CMKLR1: variants seen among roughly 807,000 people sequenced by gnomAD.
The protein encoded by CMKLR1 is chemerin-like receptor 1.
CMKLR1 carries 6 observed loss-of-function variants against 8.2 expected under a neutral mutation model. That is an observed-to-expected ratio of 0.73 (90% CI 0.40 to 1.44). The LOEUF (loss-of-function observed/expected upper bound fraction) is 1.44, where lower values mean the gene tolerates loss of function less well. Among genes scored for constraint, CMKLR1 ranks in the 40% most tolerant of loss-of-function variants. CMKLR1 has a pLI of 0.02. For missense variants in CMKLR1, 429 were observed against 478.0 expected (o/e 0.90, Z 0.96); for synonymous variants, 178 against 181.2 (o/e 0.98, Z 0.14).
intron 2 of CMKLR1, among the ~76,000 whole-genome samples, chr12:108,322,976 T>C (rs1891896786): frequency 6.6e-6 from 1 of 152,156 alleles, no homozygotes; most frequent in East Asian, 1.9e-4. Flanking sequence ...AGCAGATACC[T>C]TTCCCTCCAT....
At chr12:108,307,787 C>A (rs1439317308) in intron 2 of CMKLR1, among the ~76,000 whole-genome samples, 1 of 152,224 alleles carries the variant, frequency 6.6e-6, no homozygotes, top group African/African-American at 2.4e-5. Context: ...GGCATTAACA[C>A]CTAACAAGGA....
chr12:108,324,001 A>G (rs1314617509), intron 2 of CMKLR1, among the ~76,000 whole-genome samples: 1 of 152,174 alleles, frequency 6.6e-6, no homozygotes, highest in Non-Finnish European at 1.5e-5. Context: ...CAGCCCTGGC[A>G]GGTCCCCTCC....
intron 2 of CMKLR1, among the ~76,000 whole-genome samples, chr12:108,326,589 G>A (rs1891987180): frequency 2.0e-5 from 3 of 152,224 alleles, no homozygotes; most frequent in Admixed American, 2.0e-4. Flanking sequence ...AAGGCAGAAA[G>A]GCCTGGAAAT....
intron 2 of CMKLR1, among the ~76,000 whole-genome samples, chr12:108,321,337 C>A (rs963663105): frequency 1.3e-5 from 2 of 152,072 alleles, no homozygotes; most frequent in African/African-American, 4.8e-5. Context: ...GAGGCTAAGG[C>A]GGGCAGATCA....
At chr12:108,312,325 C>G (rs1192875628) in intron 2 of CMKLR1, among the ~76,000 whole-genome samples, 1 of 152,210 alleles carries the variant, frequency 6.6e-6, no homozygotes, top group Non-Finnish European at 1.5e-5. Flanking sequence ...TGACAGGCCC[C>G]TTTCATCACA....
chr12:108,323,342 T>C (rs1566028308), intron 2 of CMKLR1, among the ~76,000 whole-genome samples: 1 of 151,080 alleles, frequency 6.6e-6, no homozygotes, highest in African/African-American at 2.4e-5. Flanking sequence ...CCCTTTTTTA[T>C]TTTATTTATT....
rs112502994 is a variant in CMKLR1, at chr12:108,310,658, A to G, written c.-73-16994T>C. Reference sequence around the variant, plus strand: ...GTGAGCGGAGGAGTGAGGACCAGAGATACTCAGATGGGTCTTCACGGGAAA... The same window carrying G: ...GTGAGCGGAGGAGTGAGGACCAGAGGTACTCAGATGGGTCTTCACGGGAAA... On this transcript the variant is annotated intron_variant, in intron 2 of 3. Transcript: ENST00000550402. Among the ~76,000 whole-genome samples the G allele has an allele frequency of 5.0e-3, 755 of 152,270 alleles. 2 individuals carry two copies. The highest frequency in any genetic ancestry group is 0.017 in the African/African-American group (716 of 41,550).
intron 2 of CMKLR1, among the ~76,000 whole-genome samples, chr12:108,295,967 C>T (rs950193774): frequency 1.3e-5 from 2 of 152,220 alleles, no homozygotes; most frequent in Admixed American, 6.5e-5. Context: ...TCCCTCCTTC[C>T]ACCCCTAACT....
Sources: gnomAD v4.1 joint callset for allele counts (sites outside exome capture counted in the v4.1 genomes callset) on GRCh38, gnomAD v4.1.1 for gene constraint, MANE v1.5 for transcripts, NCBI Gene and HGNC (gene_info 2026-07-23, HGNC 2026-07-21) for gene names.